The following STAM2 variants were observed in gnomAD, a reference collection of about 807,000 sequenced individuals.
STAM2 encodes signal transducing adaptor molecule 2, also known as signal transducing adapter molecule 2.
Under a neutral mutation model 65.6 loss-of-function variants are expected in STAM2, and 51 were observed. That is an observed-to-expected ratio of 0.78 (90% CI 0.62 to 0.98). STAM2 has a LOEUF of 0.98. Ranked by LOEUF, STAM2 falls within the 50% of genes least tolerant of loss-of-function variation. The pLI is 0.00. For synonymous variants in STAM2, 198 were observed against 208.4 expected (o/e 0.95, Z 0.43); for missense variants, 584 against 617.8 (o/e 0.95, Z 0.58).
At chr2:152,150,647 A>G (rs559404697) in intron 1 of STAM2, among the ~76,000 whole-genome samples, 1 of 152,320 alleles carries the variant, frequency 6.6e-6, no homozygotes, top group East Asian at 1.9e-4. Flanking sequence ...CGAAAAATAA[A>G]TTTTAAAAAT....
chr2:152,173,395 T>TATATATATATATGTATACAC (rs1689937581), intron 1 of STAM2, among the ~76,000 whole-genome samples: 1 of 147,040 alleles, frequency 6.8e-6, no homozygotes, highest in African/African-American at 2.5e-5. Context: ...TATGTATACA[T>TATATATATATATGTATACAC]ATATATATAT....
At chr2:152,122,452 T>C (rs1688873043) in intron 13 of STAM2, among the ~76,000 whole-genome samples, 1 of 152,098 alleles carries the variant, frequency 6.6e-6, no homozygotes, top group Non-Finnish European at 1.5e-5. Flanking sequence ...AATTATGTAA[T>C]TTTAAATTCC....
chr2:152,122,076 A>ATG lies in STAM2; in HGVS notation c.1350-1276_1350-1275dup, dbSNP rs997181475. 8.5e-3 allele frequency among the ~76,000 whole-genome samples: 886 copies of ATG among 103,708 alleles called. 8 individuals are homozygous for ATG. The highest frequency in any genetic ancestry group is 0.015 in the South Asian group (48 of 3,106). 68.0% of individuals were successfully genotyped at this position (103,708 alleles called of 152,430 possible). On this transcript the variant is annotated intron_variant, in intron 13 of 13. Coordinates refer to ENST00000263904, the MANE Select transcript of STAM2 (RefSeq NM_005843.6). ...AAAAAAAATATATATATATATATAT[A>ATG]TGTGTGTGTGTGTGTGTGTGTGTGT...
In STAM2 at chr2:152,152,363, C is replaced by T. The variant is rs562804456; in HGVS notation, c.41-2134G>A. 2.6e-5 allele frequency among the ~76,000 whole-genome samples: 4 copies of T among 152,172 alleles called. No homozygotes were observed. In the South Asian group the frequency reaches 8.3e-4, roughly 32 times the overall value. ...AGGAGATCAAGACTATCCTGGCTAA[C>T]ACGGTGAAACCCCATCACTACTAAA... On this transcript the variant is annotated intron_variant, in intron 1 of 13. Coordinates refer to ENST00000263904, the MANE Select transcript of STAM2 (RefSeq NM_005843.6).
At chr2:152,159,880 C>T (rs992772933) in intron 1 of STAM2, among the ~76,000 whole-genome samples, 8 of 152,236 alleles carry the variant, frequency 5.3e-5, no homozygotes, top group African/African-American at 1.7e-4. Context: ...AGGCGCGCGC[C>T]GCCACGCCTG....
intron 7 of STAM2, among the ~76,000 whole-genome samples, chr2:152,143,287 CT>C (rs1474209873): frequency 6.6e-6 from 1 of 152,148 alleles, no homozygotes; most frequent in African/African-American, 2.4e-5. Context: ...CAGCAACAAG[CT>C]TACTTCTCAC....
intron 8 of STAM2, among the ~76,000 whole-genome samples, chr2:152,133,836 T>C (rs1689107423): frequency 1.3e-5 from 2 of 152,156 alleles, no homozygotes; most frequent in African/African-American, 4.8e-5. Context: ...AAACTGAGTG[T>C]TACCACTGGG....
chr2:152,174,963 T>A (rs1267724169), intron 1 of STAM2, among the ~76,000 whole-genome samples: 1 of 152,240 alleles, frequency 6.6e-6, no homozygotes, highest in Non-Finnish European at 1.5e-5. Flanking sequence ...CTTGTTGTTC[T>A]GGAGTGTTTT....
chr2:152,146,290 AT>A (rs1227376793), intron 5 of STAM2, among the ~76,000 whole-genome samples: 3 of 150,814 alleles, frequency 2.0e-5, no homozygotes, highest in East Asian at 1.9e-4. Context: ...AAAAAAAAAA[AT>A]CTTTTTTTCT....
intron 11 of STAM2, among the ~76,000 whole-genome samples, chr2:152,130,630 G>C (rs1018651991): frequency 4.6e-5 from 7 of 151,750 alleles, no homozygotes; most frequent in Non-Finnish European, 7.4e-5. Flanking sequence ...AGCTGAGGCA[G>C]GAAGATCACT....
chr2:152,170,973 G>A (rs558393771), intron 1 of STAM2, among the ~76,000 whole-genome samples: 1 of 152,284 alleles, frequency 6.6e-6, no homozygotes, highest in Admixed American at 6.5e-5. Context: ...TCCAGCCTGG[G>A]CGACAGAGCA....
chr2:152,144,819 G>T, intron 6 of STAM2, 69 bp downstream of exon 6: 3 of 1,370,396 alleles, frequency 2.2e-6, no homozygotes, highest in Non-Finnish European at 3.1e-6. Flanking sequence ...TTACAGGCGT[G>T]AGCCACCGCG....
At chr2:152,140,155 C>T (rs1423811259) in intron 7 of STAM2, among the ~76,000 whole-genome samples, 1 of 152,106 alleles carries the variant, frequency 6.6e-6, no homozygotes, top group East Asian at 1.9e-4. Context: ...ACTCTTAACT[C>T]CACTGGGAGC....
chr2:152,141,926 T>G (rs1376251276), intron 7 of STAM2, among the ~76,000 whole-genome samples: 9 of 152,158 alleles, frequency 5.9e-5, no homozygotes, highest in Admixed American at 5.9e-4. Flanking sequence ...AAGAATGATA[T>G]ATTTTCAAGG....
intron 1 of STAM2, among the ~76,000 whole-genome samples, chr2:152,165,391 A>T (rs1408238080): frequency 6.6e-6 from 1 of 152,074 alleles, no homozygotes; most frequent in Non-Finnish European, 1.5e-5. Context: ...AGATAGCGCC[A>T]CTGCACTCCA....
intron 1 of STAM2, among the ~76,000 whole-genome samples, chr2:152,157,559 C>G (rs1337369174): frequency 6.6e-6 from 1 of 152,092 alleles, no homozygotes; most frequent in Non-Finnish European, 1.5e-5. Flanking sequence ...TGTATATAAC[C>G]CAAGGGGTGA....
intron 10 of STAM2, among the ~76,000 whole-genome samples, chr2:152,132,827 T>C (rs1426618919): frequency 6.6e-6 from 1 of 152,168 alleles, no homozygotes; most frequent in African/African-American, 2.4e-5. Flanking sequence ...ATTTTGTCCT[T>C]TAAATTCATA....
At chr2:152,144,125 T>G (rs992377692) in intron 6 of STAM2, 112 bp from the exon 7 acceptor site, 1 of 822,554 alleles carries the variant, frequency 1.2e-6, no homozygotes, top group Non-Finnish European at 1.8e-6. Context: ...TTTGTCTAAT[T>G]ACATGCTACA....
intron 1 of STAM2, among the ~76,000 whole-genome samples, chr2:152,164,251 G>A (rs932811900): frequency 1.4e-4 from 21 of 151,942 alleles, no homozygotes; most frequent in African/African-American, 1.5e-4. Flanking sequence ...TGGGTTCCCC[G>A]ATAATACATA....
Sources: allele counts gnomAD v4.1 joint callset (sites outside exome capture counted in the v4.1 genomes callset), GRCh38; gene constraint gnomAD v4.1.1; transcripts MANE v1.5; gene names NCBI Gene and HGNC (gene_info 2026-07-23, HGNC 2026-07-21).